CCNB3: variants seen among roughly 807,000 people sequenced by gnomAD.
CCNB3 encodes the protein cyclin B3, also known as G2/mitotic-specific cyclin-B3.
Under a neutral mutation model 68.0 loss-of-function variants are expected in CCNB3, and 12 were observed. That is an observed-to-expected ratio of 0.18 (90% CI 0.11 to 0.29). The LOEUF (loss-of-function observed/expected upper bound fraction) is 0.29. Among genes scored for constraint, CCNB3 ranks in the 10% least tolerant of loss-of-function variants. The pLI is 1.00. For synonymous variants in CCNB3, 354 were observed against 388.9 expected (o/e 0.91, Z 1.06); for missense variants, 904 against 993.1 (o/e 0.91, Z 1.21).
rs938355511 is a variant in CCNB3 at position 50,332,929 on chromosome X, C to T, written c.3517-9273C>T. Among the ~76,000 whole-genome samples the T allele has an allele frequency of 5.4e-5, 6 of 111,630 alleles. No individual in the cohort carries two copies. The East Asian group carries it at 8.4e-4, about 16-fold the overall frequency. On this transcript the variant is annotated intron_variant, in intron 8 of 12. Transcript: ENST00000376042. ...CTCAGGGAGTGCCTGGAAGCCCCCC[C>T]GTAGTATAGGAGGAGGCCTATGATA...
intron 1 of CCNB3, among the ~76,000 whole-genome samples, chrX:50,211,178 G>A (rs1602178448): frequency 6.3e-5 from 7 of 111,197 alleles, no homozygotes; most frequent in South Asian, 3.8e-4. Flanking sequence ...CAGGAGAATC[G>A]CTTGAAACCC....
chrX:50,336,524 A>G (rs1922861301), intron 8 of CCNB3, among the ~76,000 whole-genome samples: 1 of 111,800 alleles, frequency 8.9e-6, no homozygotes, highest in African/African-American at 3.3e-5. Flanking sequence ...TATCTTCCAC[A>G]CTTTGACTAA....
chrX:50,280,296 A>G (rs998463346), intron 1 of CCNB3, among the ~76,000 whole-genome samples: 212 of 97,492 alleles, frequency 2.2e-3, no homozygotes, highest in African/African-American at 6.6e-3. Context: ...TAGAATATAG[A>G]TATAAATATA....
At chrX:50,341,335 AT>A (rs1557219569) in intron 8 of CCNB3, among the ~76,000 whole-genome samples, 1 of 83,085 alleles carries the variant, frequency 1.2e-5, no homozygotes, top group African/African-American at 4.4e-5. Context: ...GTCTCAATAA[AT>A]AAATAAATAA....
intron 1 of CCNB3, among the ~76,000 whole-genome samples, chrX:50,279,524 G>A (rs1257387024): frequency 1.3e-5 from 1 of 78,888 alleles, no homozygotes; most frequent in East Asian, 3.7e-4. Context: ...TTCATATAAA[G>A]ATATATGAAT....
At chrX:50,318,491 C>T (rs782479437) in intron 8 of CCNB3, among the ~76,000 whole-genome samples, 104 of 111,244 alleles carry the variant, frequency 9.3e-4, no homozygotes, top group African/African-American at 3.3e-3. Flanking sequence ...CCAGCCTGGG[C>T]GATAGAGCGA....
At chrX:50,206,401 C>G (rs782623707) in intron 1 of CCNB3, among the ~76,000 whole-genome samples, 3 of 108,967 alleles carry the variant, frequency 2.8e-5, no homozygotes, top group Non-Finnish European at 5.7e-5. Context: ...GCAAAACTTC[C>G]GTCTCTACCA....
chrX:50,279,200 AAT>A (rs1936021317), intron 1 of CCNB3, among the ~76,000 whole-genome samples: 3 of 2,796 alleles, frequency 1.1e-3, no homozygotes, highest in Non-Finnish European at 1.5e-3. Flanking sequence ...TCTATATATA[AAT>A]ATATAGAGTA....
intron 1 of CCNB3, among the ~76,000 whole-genome samples, chrX:50,284,235 A>G (rs1053808045): frequency 9.0e-6 from 1 of 111,125 alleles, no homozygotes; most frequent in Non-Finnish European, 1.9e-5. Context: ...GTCCTTAGGT[A>G]ATTTTAGTTT....
chrX:50,227,101 A>G (rs1275794666), intron 1 of CCNB3, among the ~76,000 whole-genome samples: 115 of 81,699 alleles, frequency 1.4e-3, no homozygotes, highest in African/African-American at 4.8e-3. Flanking sequence ...TATATAGAAT[A>G]TACATACAAA....
intron 11 of CCNB3, among the ~76,000 whole-genome samples, chrX:50,350,356 A>G (rs1923612483): frequency 8.9e-6 from 1 of 111,845 alleles, no homozygotes; most frequent in South Asian, 3.8e-4. Flanking sequence ...CAAGAGGTTA[A>G]TTAACTGGCT....
chrX:50,279,992 A>G (rs1223334352), intron 1 of CCNB3, among the ~76,000 whole-genome samples: 1 of 82,368 alleles, frequency 1.2e-5, no homozygotes, highest in East Asian at 3.5e-4. Context: ...GAATATATGA[A>G]TATATACATA....
chrX:50,335,642 G>A (rs1922812170), intron 8 of CCNB3, among the ~76,000 whole-genome samples: 1 of 111,901 alleles, frequency 8.9e-6, no homozygotes, highest in Non-Finnish European at 1.9e-5. Flanking sequence ...TTGACCACCA[G>A]TCCCGGAGGA....
intron 1 of CCNB3, among the ~76,000 whole-genome samples, chrX:50,222,034 G>GT (rs1172836448): frequency 1.2e-3 from 130 of 108,604 alleles, no homozygotes; most frequent in African/African-American, 3.7e-3. Flanking sequence ...GCCCTTCTTT[G>GT]TTTTTTTTTG....
At chrX:50,294,577 G>A (rs1557210549) in intron 4 of CCNB3, among the ~76,000 whole-genome samples, 1 of 111,566 alleles carries the variant, frequency 9.0e-6, no homozygotes, top group African/African-American at 3.3e-5. Context: ...GCCTGGCATA[G>A]AGCACAGAAC....
chrX:50,295,832 C>T (rs910112415), intron 5 of CCNB3, among the ~76,000 whole-genome samples: 9 of 111,361 alleles, frequency 8.1e-5, no homozygotes, highest in African/African-American at 2.9e-4. Flanking sequence ...ATGCTAGCTT[C>T]CACTGTGATT....
At chrX:50,228,651 GAATATATAGAA>G (rs1198280817) in intron 1 of CCNB3, among the ~76,000 whole-genome samples, 13 of 73,390 alleles carry the variant, frequency 1.8e-4, no homozygotes, top group African/African-American at 6.8e-4. Context: ...AATATATATA[GAATATATAGAA>G]TATATATAGA....
chrX:50,220,442 A>G (rs1294615323), intron 1 of CCNB3, among the ~76,000 whole-genome samples: 10 of 111,802 alleles, frequency 8.9e-5, no homozygotes, highest in African/African-American at 3.2e-4. Flanking sequence ...GATACATTCC[A>G]TCAGTACTTA....
At chrX:50,279,289 TAA>T (rs1172267450) in intron 1 of CCNB3, among the ~76,000 whole-genome samples, 1 of 72,209 alleles carries the variant, frequency 1.4e-5, no homozygotes. Context: ...TATTCATATA[TAA>T]ATATATATGA....
Sources: gnomAD v4.1 joint callset for allele counts (sites outside exome capture counted in the v4.1 genomes callset) on GRCh38, gnomAD v4.1.1 for gene constraint, MANE v1.5 for transcripts, NCBI Gene and HGNC (gene_info 2026-07-23, HGNC 2026-07-21) for gene names.